Variants in ADAMTS17 observed in about 807,000 individuals in gnomAD.
ADAMTS17 encodes the protein A disintegrin and metalloproteinase with thrombospondin motifs 17.
ADAMTS17 carries 113 observed loss-of-function variants against 141.5 expected under a neutral mutation model. That is an observed-to-expected ratio of 0.80 (90% CI 0.69 to 0.93). The LOEUF (loss-of-function observed/expected upper bound fraction) is 0.93, where lower values mean the gene tolerates loss of function less well. ADAMTS17 is among the 40% of genes least tolerant of loss of function. The pLI is 0.00. For missense variants in ADAMTS17, 1,659 were observed against 1,517.9 expected (o/e 1.09, Z -1.54); for synonymous variants, 768 against 630.6 (o/e 1.22, Z -3.27).
intron 7 of ADAMTS17, among the ~76,000 whole-genome samples, chr15:100,227,323 T>A (rs919698816): frequency 2.6e-5 from 1 of 38,356 alleles, no homozygotes; most frequent in Non-Finnish European, 4.6e-5. Flanking sequence ...AGATCCTCTG[T>A]CTTTCCCACC....
At chr15:100,336,000 A>T (rs2046197864) in intron 2 of ADAMTS17, among the ~76,000 whole-genome samples, 1 of 152,212 alleles carries the variant, frequency 6.6e-6, no homozygotes, top group Non-Finnish European at 1.5e-5. Flanking sequence ...CATCACACAC[A>T]TCCAAGATCA....
At chr15:100,053,605 C>T (rs757104741) in intron 16 of ADAMTS17, among the ~76,000 whole-genome samples, 3 of 152,152 alleles carry the variant, frequency 2.0e-5, no homozygotes, top group East Asian at 1.9e-4. Flanking sequence ...CTGCCATCCA[C>T]GTGGCTAAGC....
chr15:100,041,022 C>T (rs1329408845), intron 18 of ADAMTS17, among the ~76,000 whole-genome samples: 1 of 152,138 alleles, frequency 6.6e-6, no homozygotes, highest in Non-Finnish European at 1.5e-5. Flanking sequence ...AGCTAAAGAT[C>T]CACGTATTCC....
intron 15 of ADAMTS17, among the ~76,000 whole-genome samples, chr15:100,095,410 A>T (rs550857078): frequency 7.6e-4 from 116 of 152,322 alleles, no homozygotes; most frequent in Non-Finnish European, 9.3e-4. Flanking sequence ...CACACAGAGA[A>T]AAGTGGAGAG....
At chr15:100,097,631 T>G (rs1039131535) in intron 14 of ADAMTS17, among the ~76,000 whole-genome samples, 10 of 152,238 alleles carry the variant, frequency 6.6e-5, no homozygotes, top group African/African-American at 1.7e-4. Flanking sequence ...TTCTCCAACT[T>G]AAGTGTGCAT....
intron 15 of ADAMTS17, among the ~76,000 whole-genome samples, chr15:100,084,270 T>C (rs1339323414): frequency 6.6e-6 from 1 of 152,148 alleles, no homozygotes; most frequent in Admixed American, 6.5e-5. Flanking sequence ...GAGATCAAAC[T>C]GCAAGGTGGC....
At chr15:100,124,938 C>A (rs1461107715) in intron 12 of ADAMTS17, among the ~76,000 whole-genome samples, 2 of 152,198 alleles carry the variant, frequency 1.3e-5, no homozygotes, top group Non-Finnish European at 2.9e-5. Flanking sequence ...GGCAGAACAT[C>A]TGCCCCTTTC....
chr15:100,305,197 A>G (rs552030548), intron 3 of ADAMTS17, among the ~76,000 whole-genome samples: 21 of 152,268 alleles, frequency 1.4e-4, no homozygotes, highest in African/African-American at 4.8e-4. Flanking sequence ...AGAAAAAAAA[A>G]ACACCTTATA....
At position 100,225,054 on chromosome 15, in the gene ADAMTS17, C is replaced by T. The variant is rs533678746; in HGVS notation, c.1076-25631G>A. Among the ~76,000 whole-genome samples the T allele has an allele frequency of 1.7e-3, 255 of 152,356 alleles. 2 individuals are homozygous for T. The South Asian group carries it at 0.042, about 25-fold the overall frequency. ...ACCAAGTCCTCCCTGTTACTCACCA[C>T]CAATTTCACGGCCATGGGGAACCTG... On this transcript the variant is annotated intron_variant, in intron 7 of 21. Transcript: ENST00000268070.
At chr15:100,182,352 C>T (rs1232604667) in intron 8 of ADAMTS17, among the ~76,000 whole-genome samples, 1 of 152,194 alleles carries the variant, frequency 6.6e-6, no homozygotes, top group Non-Finnish European at 1.5e-5. Flanking sequence ...CACCAGGTTC[C>T]TCCCTCAAGA....
At chr15:100,172,681 G>A (rs992738864) in intron 8 of ADAMTS17, among the ~76,000 whole-genome samples, 6 of 152,186 alleles carry the variant, frequency 3.9e-5, no homozygotes, top group South Asian at 4.1e-4. Context: ...ATCGGAATTA[G>A]CTTAGACTGT....
Position 100,002,933 on chromosome 15 carries a change from G to A in ADAMTS17, c.2592-5344C>T, listed in dbSNP as rs898485984. On this transcript the variant is annotated intron_variant, in intron 18 of 21. Transcript: ENST00000268070. Reference sequence around the variant, plus strand: ...GAGGGTTACACAGCCCCCAGCACATGAGGTGTAGGTGCAGCCCACGGGTGC... The same window carrying A: ...GAGGGTTACACAGCCCCCAGCACATAAGGTGTAGGTGCAGCCCACGGGTGC... Among the ~76,000 whole-genome samples the A allele has an allele frequency of 9.2e-5, 14 of 152,186 alleles. No homozygotes were observed. In the East Asian group the frequency reaches 2.5e-3, roughly 27 times the overall value.
chr15:100,030,960 G>A (rs755649748), intron 18 of ADAMTS17, among the ~76,000 whole-genome samples: 21 of 152,294 alleles, frequency 1.4e-4, no homozygotes, highest in Admixed American at 2.6e-4. Flanking sequence ...GTTCATCATC[G>A]ATATAGTTTT....
In ADAMTS17 at chr15:100,199,414, T is replaced by C; in HGVS notation, c.1085A>G (p.Tyr362Cys). The change falls in exon 8 of 22, where the codon TAC becomes TGC. Residue 362 changes from tyrosine to cysteine, a missense_variant. Coordinates refer to ENST00000268070, the MANE Select transcript of ADAMTS17 (RefSeq NM_139057.4). Reference sequence around the variant, plus strand: ...CTTAGCACTGCACACACCTCCTAAGTAAGCAATTCCTGCAGCAGAGACACA... The same window carrying C: ...CTTAGCACTGCACACACCTCCTAAGCAAGCAATTCCTGCAGCAGAGACACA... ...DEPCDTVGIA[Y>C]LGGVCSAKRK... 6.2e-7 allele frequency: 1 copy of C among 1,614,062 alleles called. No homozygotes were observed. The highest frequency in any genetic ancestry group is 8.5e-7 in the Non-Finnish European group (1 of 1,179,970).
At chr15:100,310,240 A>G (rs1375911381) in intron 3 of ADAMTS17, among the ~76,000 whole-genome samples, 1 of 152,234 alleles carries the variant, frequency 6.6e-6, no homozygotes, top group African/African-American at 2.4e-5. Flanking sequence ...CAAAGCAGGC[A>G]GGAGACTCCG....
At chr15:100,006,697 G>A (rs750848988) in intron 18 of ADAMTS17, among the ~76,000 whole-genome samples, 12 of 152,228 alleles carry the variant, frequency 7.9e-5, no homozygotes, top group Admixed American at 2.6e-4. Flanking sequence ...AAAAGAAGGC[G>A]CTGGTATCGA....
intron 10 of ADAMTS17, among the ~76,000 whole-genome samples, chr15:100,134,938 C>T (rs965653232): frequency 6.6e-6 from 1 of 152,226 alleles, no homozygotes. Flanking sequence ...TAAAGACCAA[C>T]TGCACCTCAT....
intron 20 of ADAMTS17, among the ~76,000 whole-genome samples, chr15:99,989,673 G>C (rs941589006): frequency 6.6e-6 from 1 of 152,208 alleles, no homozygotes; most frequent in African/African-American, 2.4e-5. Flanking sequence ...ATCAGTGACC[G>C]TTTTCAAGCT....
intron 18 of ADAMTS17, among the ~76,000 whole-genome samples, chr15:100,025,694 G>A (rs1026515948): frequency 2.6e-5 from 4 of 151,978 alleles, no homozygotes; most frequent in Non-Finnish European, 5.9e-5. Flanking sequence ...GATTACAGGC[G>A]TGAGCCACCA....
Sources: gnomAD v4.1 joint callset for allele counts (sites outside exome capture counted in the v4.1 genomes callset) on GRCh38, gnomAD v4.1.1 for gene constraint, MANE v1.5 for transcripts, NCBI Gene and HGNC (gene_info 2026-07-23, HGNC 2026-07-21) for gene names.